LRP1B: variants seen among roughly 807,000 people sequenced by gnomAD.
LRP1B encodes low-density lipoprotein receptor-related protein 1B.
In LRP1B, 217 loss-of-function variants were observed where a neutral mutation model predicts 556.6. The observed-to-expected ratio is 0.39, with a 90% confidence interval of 0.35 to 0.44. The LOEUF is 0.44. Among genes scored for constraint, LRP1B ranks in the 20% least tolerant of loss-of-function variants. The pLI, the probability that LRP1B is intolerant of heterozygous loss-of-function variation, is 1.00. For synonymous variants in LRP1B, 2,047 were observed against 1,865.8 expected, an observed-to-expected ratio of 1.10 and a Z score of -2.50; for missense variants, 5,053 against 5,620.8, an observed-to-expected ratio of 0.90 and a Z score of 3.23.
chr2:140,754,040 A>T (rs1334839826), intron 35 of LRP1B, among the ~76,000 whole-genome samples: 2 of 152,172 alleles, frequency 1.3e-5, no homozygotes, highest in Non-Finnish European at 2.9e-5. Flanking sequence ...CATCCTGCCT[A>T]CTGCCAGAGT....
chr2:140,507,565 C>T (rs1321619465), intron 52 of LRP1B, among the ~76,000 whole-genome samples: 2 of 151,916 alleles, frequency 1.3e-5, no homozygotes, highest in Non-Finnish European at 2.9e-5. Context: ...AAGCAATGTT[C>T]CAACAAGTGG....
chr2:140,758,806 T>C (rs1190163482), intron 35 of LRP1B, among the ~76,000 whole-genome samples: 1 of 152,126 alleles, frequency 6.6e-6, no homozygotes, highest in African/African-American at 2.4e-5. Context: ...GCTATGGTCA[T>C]ATTTTAAATA....
intron 7 of LRP1B, among the ~76,000 whole-genome samples, chr2:141,132,539 C>A (rs1242728403): frequency 6.6e-6 from 1 of 151,960 alleles, no homozygotes; most frequent in Non-Finnish European, 1.5e-5. Flanking sequence ...TACCCAGTCT[C>A]AGATATTCTT....
chr2:141,037,404 T>C (rs1698564802), intron 11 of LRP1B, among the ~76,000 whole-genome samples: 1 of 152,106 alleles, frequency 6.6e-6, no homozygotes, highest in Non-Finnish European at 1.5e-5. Context: ...ACTTTTCACC[T>C]CAACTCTAGT....
At chr2:141,701,569 C>T (rs1691940503) in intron 2 of LRP1B, among the ~76,000 whole-genome samples, 1 of 151,850 alleles carries the variant, frequency 6.6e-6, no homozygotes, top group Non-Finnish European at 1.5e-5. Context: ...AACAAGGTTA[C>T]TGCTACCCCC....
intron 2 of LRP1B, among the ~76,000 whole-genome samples, chr2:141,598,611 G>A (rs954166809): frequency 1.3e-5 from 2 of 152,060 alleles, no homozygotes; most frequent in East Asian, 1.9e-4. Flanking sequence ...TCTATGGTAT[G>A]CTTTCAAAAT....
intron 60 of LRP1B, among the ~76,000 whole-genome samples, chr2:140,467,678 A>G (rs2105337713): frequency 6.6e-6 from 1 of 151,588 alleles, no homozygotes; most frequent in South Asian, 2.1e-4. Flanking sequence ...GATTGTCATG[A>G]GAATTCTACC....
intron 3 of LRP1B, among the ~76,000 whole-genome samples, chr2:141,477,962 G>A: frequency 7.2e-5 from 1 of 13,846 alleles, no homozygotes. Flanking sequence ...CCTCCTACTG[G>A]CAAAAAAAAA....
chr2:141,658,563 T>C (rs1175918954), intron 2 of LRP1B, among the ~76,000 whole-genome samples: 2 of 152,174 alleles, frequency 1.3e-5, no homozygotes, highest in African/African-American at 4.8e-5. Flanking sequence ...GAACTATTTT[T>C]CATCTTACCT....
Position 140,444,376 on chromosome 2 carries a change from A to G in LRP1B, c.10248T>C (p.Cys3416=). ...CATCACCACAGTCATCTTGCCCATT[A>G]CATCTTAAGTTTACTGGGATACATT... ...NQKCIPVNLR[C]NGQDDCGDEE... is the part of the protein sequence containing the mutation. The change falls in exon 65 of 91, where the codon TGT becomes TGC. Residue 3416 remains cysteine, a synonymous_variant. Coordinates refer to ENST00000389484, the MANE Select transcript of LRP1B (RefSeq NM_018557.3). The G allele has an allele frequency of 1.9e-6, 3 of 1,613,948 alleles. No homozygotes were observed. The highest frequency in any genetic ancestry group is 1.7e-5 in the Admixed American group (1 of 60,008).
chr2:141,441,139 C>A (rs114273249), intron 3 of LRP1B, among the ~76,000 whole-genome samples: 1 of 151,770 alleles, frequency 6.6e-6, no homozygotes, highest in African/African-American at 2.4e-5. Flanking sequence ...TGCAATGGTA[C>A]GATCTTGGTT....
rs1194744677 is a variant in LRP1B at position 141,965,974 on chromosome 2, A to T, written c.83-155573T>A. 2.0e-5 allele frequency among the ~76,000 whole-genome samples: 3 copies of T among 151,906 alleles called. No individual in the cohort carries two copies. The South Asian group carries it at 6.2e-4, about 31-fold the overall frequency. ...AAATGAATATATTGTCTCATCACTG[A>T]CTAATTCCACCAACTAGCACCTTTC... is the stretch of plus-strand genomic sequence containing the variant. On this transcript the variant is annotated intron_variant, in intron 1 of 90. Coordinates refer to ENST00000389484, the MANE Select transcript of LRP1B (RefSeq NM_018557.3).
chr2:141,251,713 T>C (rs926580301), intron 4 of LRP1B, among the ~76,000 whole-genome samples: 1 of 151,986 alleles, frequency 6.6e-6, no homozygotes, highest in Non-Finnish European at 1.5e-5. Flanking sequence ...AAAACAAGCA[T>C]GGGTGGATAT....
intron 3 of LRP1B, among the ~76,000 whole-genome samples, chr2:141,437,877 G>T (rs910421539): frequency 1.3e-5 from 2 of 152,010 alleles, no homozygotes; most frequent in Non-Finnish European, 2.9e-5. Flanking sequence ...CCTTCTGCAA[G>T]GTTGCCTACT....
At chr2:141,568,729 T>C (rs1022171619) in intron 2 of LRP1B, among the ~76,000 whole-genome samples, 4 of 151,236 alleles carry the variant, frequency 2.6e-5, no homozygotes, top group Admixed American at 6.6e-5. Flanking sequence ...ATTTAGTCAG[T>C]CATCAAACAT....
chr2:140,418,984 C>T (rs1468376848), intron 66 of LRP1B, among the ~76,000 whole-genome samples: 1 of 152,106 alleles, frequency 6.6e-6, no homozygotes, highest in South Asian at 2.1e-4. Context: ...ATAACCCATT[C>T]AAACCTGGCT....
chr2:142,007,994 T>A (rs886858305), intron 1 of LRP1B, among the ~76,000 whole-genome samples: 7 of 152,198 alleles, frequency 4.6e-5, no homozygotes, highest in Non-Finnish European at 1.0e-4. Flanking sequence ...TATAGTTTCC[T>A]GACAATTCAA....
intron 2 of LRP1B, among the ~76,000 whole-genome samples, chr2:141,646,036 T>C (rs1049325059): frequency 1.3e-5 from 2 of 152,136 alleles, no homozygotes; most frequent in Non-Finnish European, 2.9e-5. Flanking sequence ...ATACTTCATG[T>C]CATGTACCCT....
chr2:141,831,435 T>A (rs114999451), intron 1 of LRP1B, among the ~76,000 whole-genome samples: 1 of 151,654 alleles, frequency 6.6e-6, no homozygotes, highest in Non-Finnish European at 1.5e-5. Flanking sequence ...TGTTTTTCAA[T>A]AGCTCTCTGT....
Sources: allele counts gnomAD v4.1 joint callset (sites outside exome capture counted in the v4.1 genomes callset), GRCh38; gene constraint gnomAD v4.1.1; transcripts MANE v1.5; gene names NCBI Gene and HGNC (gene_info 2026-07-23, HGNC 2026-07-21).